CCDC91: variants seen among roughly 807,000 people sequenced by gnomAD.
CCDC91 encodes the protein coiled-coil domain containing 91.
In CCDC91, 48 loss-of-function variants were observed where a neutral mutation model predicts 63.2. The ratio of observed to expected loss-of-function variants is 0.76; its 90% CI spans 0.60 to 0.97. The LOEUF is 0.97. CCDC91 is among the 50% of genes least tolerant of loss of function. CCDC91 has a pLI of 0.00. For synonymous variants in CCDC91, 167 were observed against 165.8 expected (o/e 1.01, Z -0.06); for missense variants, 500 against 494.6 (o/e 1.01, Z -0.10).
chr12:28,387,313 G>A (rs145661773), intron 7 of CCDC91, among the ~76,000 whole-genome samples: 8 of 150,526 alleles, frequency 5.3e-5, no homozygotes, highest in African/African-American at 1.5e-4. Context: ...TTTAATACCC[G>A]ACACCTGCCT....
intron 3 of CCDC91, among the ~76,000 whole-genome samples, chr12:28,287,447 A>G (rs1948983795): frequency 6.6e-6 from 1 of 152,170 alleles, no homozygotes; most frequent in Non-Finnish European, 1.5e-5. Flanking sequence ...TTATCCCAGC[A>G]CTATTTATTG....
rs547304539 is a variant in CCDC91 at position 28,489,658 on chromosome 12, A to G, written c.1215+5493A>G. Among the ~76,000 whole-genome samples, 139 of 152,014 alleles carry G rather than the reference A, an allele frequency of 9.1e-4. 3 individuals are homozygous for G. The highest frequency in any genetic ancestry group is 1.1e-3 in the Non-Finnish European group (74 of 67,888). On this transcript the variant is annotated intron_variant, in intron 12 of 12. Transcript: ENST00000536442. ...AGGAAAATAACCTTCACTTTAGAGTATCCTTTTAATTTAGGTTTTTAGAGA... is the reference window on the plus strand; with the variant it reads ...AGGAAAATAACCTTCACTTTAGAGTGTCCTTTTAATTTAGGTTTTTAGAGA...
chr12:28,247,419 G>A (rs926932367), intron 1 of CCDC91, among the ~76,000 whole-genome samples: 19 of 150,296 alleles, frequency 1.3e-4, no homozygotes, highest in African/African-American at 4.7e-4. Flanking sequence ...GGCGGAGCTT[G>A]CAGTTAGCCG....
At chr12:28,318,846 A>G (rs143840591) in intron 6 of CCDC91, among the ~76,000 whole-genome samples, 1 of 152,124 alleles carries the variant, frequency 6.6e-6, no homozygotes, top group East Asian at 1.9e-4. Flanking sequence ...GCCAGTGAGA[A>G]TGTTTTTCTT....
At chr12:28,470,987 A>G (rs1356830905) in intron 11 of CCDC91, among the ~76,000 whole-genome samples, 2 of 152,198 alleles carry the variant, frequency 1.3e-5, no homozygotes, top group Admixed American at 1.3e-4. Flanking sequence ...AAAAGATCAG[A>G]AAATTAGACA....
intron 3 of CCDC91, among the ~76,000 whole-genome samples, chr12:28,293,872 G>C (rs1211725590): frequency 6.6e-6 from 1 of 151,984 alleles, no homozygotes. Context: ...GGGACACTGT[G>C]CTCACCTCCT....
intron 1 of CCDC91, among the ~76,000 whole-genome samples, chr12:28,250,852 C>T (rs1049363900): frequency 3.9e-5 from 6 of 151,990 alleles, no homozygotes; most frequent in Non-Finnish European, 8.8e-5. Flanking sequence ...TAGACAGTTA[C>T]ATTTTCTTGA....
intron 7 of CCDC91, among the ~76,000 whole-genome samples, chr12:28,378,971 G>A (rs1945114227): frequency 2.0e-5 from 3 of 152,016 alleles, no homozygotes; most frequent in African/African-American, 7.2e-5. Context: ...TTCAAGCCAG[G>A]CCAAAACCAA....
Position 28,267,931 on chromosome 12 carries a change from TA to T in CCDC91, c.109+8490del, listed in dbSNP as rs1372132478. ...ATTATATATAATTATTATAATTATA[TA>T]TAATTATATATAATTATTATATATA... On this transcript the variant is annotated intron_variant, in intron 3 of 12. Coordinates refer to ENST00000536442, the MANE Select transcript of CCDC91 (RefSeq NM_018318.5). Among the ~76,000 whole-genome samples, 14 of 85,864 alleles carry T rather than the reference TA, an allele frequency of 1.6e-4. 1 individual carries two copies. Among genetic ancestry groups the T allele is most frequent in the African/African-American group, 4.6e-4 (11 of 23,882 alleles). The allele number at this position is 85,864 out of a possible 152,430, so 56.3% of individuals were successfully genotyped here. A position where few individuals can be genotyped will look rare whatever the true frequency, so the allele number is the denominator to read the frequency against.
intron 7 of CCDC91, among the ~76,000 whole-genome samples, chr12:28,372,185 A>G (rs1435306402): frequency 6.6e-6 from 1 of 152,098 alleles, no homozygotes; most frequent in Non-Finnish European, 1.5e-5. Flanking sequence ...CTATTCTGTT[A>G]CATTGGTCTA....
intron 7 of CCDC91, among the ~76,000 whole-genome samples, chr12:28,386,326 C>T (rs778761707): frequency 3.3e-5 from 5 of 152,054 alleles, no homozygotes; most frequent in African/African-American, 4.8e-5. Context: ...TTATAGTTCC[C>T]GTATTAAGAG....
intron 12 of CCDC91, among the ~76,000 whole-genome samples, chr12:28,498,117 T>C (rs961634148): frequency 3.3e-5 from 5 of 151,702 alleles, no homozygotes; most frequent in African/African-American, 1.2e-4. Flanking sequence ...TATACCTTTC[T>C]GCATCATTAT....
chr12:28,338,663 T>TA (rs879914771), intron 6 of CCDC91, among the ~76,000 whole-genome samples: 41 of 147,542 alleles, frequency 2.8e-4, no homozygotes, highest in South Asian at 6.5e-4. Flanking sequence ...TGTCATGAAT[T>TA]AAAAAAAAAA....
chr12:28,521,122 G>C (rs865916252), intron 12 of CCDC91, among the ~76,000 whole-genome samples: 2 of 152,160 alleles, frequency 1.3e-5, no homozygotes, highest in South Asian at 2.1e-4. Flanking sequence ...GTCATTGGTA[G>C]CTTGATCGCG....
chr12:28,454,514 A>T (rs547973626), intron 11 of CCDC91, among the ~76,000 whole-genome samples: 46 of 152,234 alleles, frequency 3.0e-4, no homozygotes, highest in Admixed American at 1.5e-3. Flanking sequence ...TTCCCTCCCT[A>T]GGGAGAGGCT....
rs78213375 is a variant in CCDC91, at chr12:28,424,363, A to G, written c.763-25798A>G. Among the ~76,000 whole-genome samples the G allele has an allele frequency of 9.5e-3, 1,444 of 152,224 alleles. 27 individuals carry two copies. Among genetic ancestry groups the G allele is most frequent in the African/African-American group, 0.033 (1,372 of 41,540 alleles). On this transcript the variant is annotated intron_variant, in intron 8 of 12. Coordinates refer to ENST00000536442, the MANE Select transcript of CCDC91 (RefSeq NM_018318.5). The stretch of plus-strand genomic sequence containing the variant: ...GTAATTGGTAGATAATAGTTTATGC[A>G]TATATTTAAGTCCTGCCGATTTGTT...
At chr12:28,274,024 G>A (rs1175029018) in intron 3 of CCDC91, among the ~76,000 whole-genome samples, 2 of 152,286 alleles carry the variant, frequency 1.3e-5, no homozygotes, top group East Asian at 3.9e-4. Context: ...TGTATAAGGT[G>A]TAAGGAAGGG....
At chr12:28,544,165 C>A (rs1402215979) in intron 12 of CCDC91, among the ~76,000 whole-genome samples, 1 of 151,842 alleles carries the variant, frequency 6.6e-6, no homozygotes, top group African/African-American at 2.4e-5. Flanking sequence ...GCTCTGGCCT[C>A]CATCTACTTC....
At chr12:28,284,629 G>C (rs1592201575) in intron 3 of CCDC91, among the ~76,000 whole-genome samples, 1 of 151,302 alleles carries the variant, frequency 6.6e-6, no homozygotes. Context: ...CTCCAACCTG[G>C]GCAACAAGAG....
Sources: allele counts gnomAD v4.1 joint callset (sites outside exome capture counted in the v4.1 genomes callset), GRCh38; gene constraint gnomAD v4.1.1; transcripts MANE v1.5; gene names NCBI Gene and HGNC (gene_info 2026-07-23, HGNC 2026-07-21).